Variants in PEBP4 observed in about 807,000 individuals in gnomAD.
PEBP4 encodes phosphatidylethanolamine binding protein 4.
PEBP4 carries 22 observed loss-of-function variants against 23.9 expected under a neutral mutation model. The observed-to-expected ratio is 0.92, with a 90% confidence interval of 0.66 to 1.31. The LOEUF (loss-of-function observed/expected upper bound fraction) is 1.31, where lower values mean the gene tolerates loss of function less well. Among genes scored for constraint, PEBP4 ranks in the 40% most tolerant of loss-of-function variants. The pLI is 0.00. For synonymous variants in PEBP4, 112 were observed against 99.3 expected, an observed-to-expected ratio of 1.13 and a Z score of -0.76; for missense variants, 324 against 281.7, an observed-to-expected ratio of 1.15 and a Z score of -1.07.
chr8:22,803,027 C>G (rs1189147006), intron 4 of PEBP4, among the ~76,000 whole-genome samples: 1 of 152,188 alleles, frequency 6.6e-6, no homozygotes, highest in Non-Finnish European at 1.5e-5. Flanking sequence ...GAATATCACT[C>G]AGTCTCCTGC....
chr8:22,736,357 CAGTTTGGGAGGCTG>C (rs1563198890), intron 4 of PEBP4, among the ~76,000 whole-genome samples: 1 of 152,140 alleles, frequency 6.6e-6, no homozygotes, highest in African/African-American at 2.4e-5. Context: ...GTAATCCCAG[CAGTTTGGGAGGCTG>C]AGGCAGGAGG....
chr8:22,745,184 G>A (rs1325331120), intron 4 of PEBP4, among the ~76,000 whole-genome samples: 4 of 152,208 alleles, frequency 2.6e-5, no homozygotes, highest in African/African-American at 9.7e-5. Flanking sequence ...CTCTCTCCTG[G>A]GTTATGCCCG....
At chr8:22,818,899 T>C (rs568356926) in intron 3 of PEBP4, among the ~76,000 whole-genome samples, 2 of 152,052 alleles carry the variant, frequency 1.3e-5, no homozygotes, top group South Asian at 2.1e-4. Context: ...GAAAGAGAAA[T>C]TGAGGATGAA....
chr8:22,840,897 A>G (rs1381662046), intron 3 of PEBP4, among the ~76,000 whole-genome samples: 2 of 152,194 alleles, frequency 1.3e-5, no homozygotes, highest in Non-Finnish European at 2.9e-5. Context: ...GGAAATATAT[A>G]ACTAATGGTA....
intron 3 of PEBP4, among the ~76,000 whole-genome samples, chr8:22,894,695 C>G (rs771887114): frequency 9.8e-4 from 149 of 152,196 alleles, no homozygotes; most frequent in Non-Finnish European, 1.4e-3. Context: ...TCAGGGCCAA[C>G]AAAACTGAAA....
intron 3 of PEBP4, among the ~76,000 whole-genome samples, chr8:22,918,715 G>A (rs1809132134): frequency 6.6e-6 from 1 of 152,168 alleles, no homozygotes; most frequent in Admixed American, 6.5e-5. Flanking sequence ...GTGAATGGAT[G>A]GTGAAGCCGA....
In PEBP4 at chr8:22,860,139, GA is replaced by G. The variant is rs755088763; in HGVS notation, c.259-42405del. ...CTCAAAAAAAAAAAAAAAAGAAAAA[GA>G]AAAAAAATTATATATACACATATAT... On this transcript the variant is annotated intron_variant, in intron 3 of 6. Coordinates refer to ENST00000256404, the MANE Select transcript of PEBP4 (RefSeq NM_144962.3). Among the ~76,000 whole-genome samples, 527 of 54,080 alleles carry G rather than the reference GA, an allele frequency of 9.7e-3. 3 individuals carry two copies. Among genetic ancestry groups the G allele is most frequent in the Non-Finnish European group, 0.02 (402 of 20,206 alleles). 35.5% of individuals were successfully genotyped at this position (54,080 alleles called of 152,430 possible).
intron 3 of PEBP4, among the ~76,000 whole-genome samples, chr8:22,916,597 T>A (rs7817198): frequency 6.6e-6 from 1 of 152,172 alleles, no homozygotes; most frequent in Admixed American, 6.5e-5. Flanking sequence ...GCCGACAGTT[T>A]GGCTGACACA....
chr8:22,782,029 C>T (rs949864150), intron 4 of PEBP4, among the ~76,000 whole-genome samples: 6 of 152,188 alleles, frequency 3.9e-5, no homozygotes, highest in Non-Finnish European at 5.9e-5. Context: ...TCTGGGATTC[C>T]GTCTTGTTCT....
At chr8:22,773,469 G>A (rs1385084323) in intron 4 of PEBP4, among the ~76,000 whole-genome samples, 2 of 152,132 alleles carry the variant, frequency 1.3e-5, no homozygotes, top group Non-Finnish European at 2.9e-5. Flanking sequence ...GGGAAGCTGA[G>A]CCTGGAAGCC....
chr8:22,840,344 G>A (rs1459115622), intron 3 of PEBP4, among the ~76,000 whole-genome samples: 1 of 151,812 alleles, frequency 6.6e-6, no homozygotes, highest in African/African-American at 2.4e-5. Flanking sequence ...TGACCCTATT[G>A]GCTGGGGTGT....
chr8:22,828,360 C>A (rs973813382), intron 3 of PEBP4, among the ~76,000 whole-genome samples: 4 of 152,152 alleles, frequency 2.6e-5, no homozygotes, highest in African/African-American at 7.2e-5. Context: ...CATCACTGTG[C>A]CTGAAATGTT....
At chr8:22,857,955 G>A (rs997169535) in intron 3 of PEBP4, among the ~76,000 whole-genome samples, 3 of 152,180 alleles carry the variant, frequency 2.0e-5, no homozygotes, top group Non-Finnish European at 4.4e-5. Context: ...TGTGTTGGGC[G>A]ATGCTTCACG....
At chr8:22,719,616 G>A (rs2128747976) in intron 6 of PEBP4, among the ~76,000 whole-genome samples, 1 of 152,344 alleles carries the variant, frequency 6.6e-6, no homozygotes, top group East Asian at 1.9e-4. Context: ...CAAGGCGGTG[G>A]CAGGTGCAAA....
intron 4 of PEBP4, among the ~76,000 whole-genome samples, chr8:22,746,608 CCTCTCCTCCTCTTCTCCCTCCTCT>C (rs957073563): frequency 2.6e-5 from 4 of 151,800 alleles, no homozygotes; most frequent in South Asian, 2.1e-4. Context: ...TTTGTTCCGC[CCTCTCCTCCTCTTCTCCCTCCTCT>C]CTCTCCTCCT....
intron 4 of PEBP4, among the ~76,000 whole-genome samples, chr8:22,771,342 A>C (rs1805713200): frequency 6.6e-6 from 1 of 152,178 alleles, no homozygotes; most frequent in Non-Finnish European, 1.5e-5. Flanking sequence ...TACAAAAATT[A>C]GTCCGACATG....
chr8:22,818,823 T>G (rs1806798971), intron 3 of PEBP4, among the ~76,000 whole-genome samples: 1 of 152,038 alleles, frequency 6.6e-6, no homozygotes. Flanking sequence ...TGGGGGAGTA[T>G]TTTTAGGTAA....
intron 4 of PEBP4, among the ~76,000 whole-genome samples, chr8:22,814,081 G>T (rs549819240): frequency 6.6e-6 from 1 of 152,298 alleles, no homozygotes; most frequent in Admixed American, 6.5e-5. Flanking sequence ...TATGTGTTCT[G>T]GGTATTGTTC....
chr8:22,725,362 G>A (rs867997615), intron 5 of PEBP4, among the ~76,000 whole-genome samples: 1 of 151,910 alleles, frequency 6.6e-6, no homozygotes, highest in Non-Finnish European at 1.5e-5. Context: ...TTATTTTTTC[G>A]GCATTTGCTT....
Sources: gnomAD v4.1 joint callset for allele counts (sites outside exome capture counted in the v4.1 genomes callset) on GRCh38, gnomAD v4.1.1 for gene constraint, MANE v1.5 for transcripts, NCBI Gene and HGNC (gene_info 2026-07-23, HGNC 2026-07-21) for gene names.